Variants in SORCS2 observed in about 807,000 individuals in gnomAD.
SORCS2 encodes the protein sortilin related VPS10 domain containing receptor 2, also known as VPS10 domain-containing receptor SorCS2.
In SORCS2, 100 loss-of-function variants were observed where a neutral mutation model predicts 141.6. The observed-to-expected ratio is 0.71, with a 90% CI of 0.60 to 0.83. SORCS2 has a LOEUF of 0.83. Among genes scored for constraint, SORCS2 ranks in the 40% least tolerant of loss-of-function variants. SORCS2 has a pLI of 0.00. For synonymous variants in SORCS2, 789 were observed against 676.9 expected, an observed-to-expected ratio of 1.17 and a Z score of -2.57; for missense variants, 1,646 against 1,560.2, an observed-to-expected ratio of 1.05 and a Z score of -0.93.
At chr4:7,409,901 C>T (rs1351013513) in intron 2 of SORCS2, among the ~76,000 whole-genome samples, 1 of 152,206 alleles carries the variant, frequency 6.6e-6, no homozygotes, top group Non-Finnish European at 1.5e-5. Context: ...CATTTTGGAA[C>T]CGGAAGTCTC....
At chr4:7,590,071 C>G (rs543298787) in intron 3 of SORCS2, among the ~76,000 whole-genome samples, 2 of 152,166 alleles carry the variant, frequency 1.3e-5, no homozygotes, top group South Asian at 2.1e-4. Context: ...ATTGCTGTTG[C>G]AAAGGTCTGT....
At chr4:7,651,483 T>C (rs571899057) in intron 4 of SORCS2, among the ~76,000 whole-genome samples, 1 of 152,320 alleles carries the variant, frequency 6.6e-6, no homozygotes, top group East Asian at 1.9e-4. Context: ...GCTATCCCGT[T>C]AATCTCCTCT....
At chr4:7,517,879 G>T (rs1485478608) in intron 2 of SORCS2, among the ~76,000 whole-genome samples, 1 of 152,214 alleles carries the variant, frequency 6.6e-6, no homozygotes, top group African/African-American at 2.4e-5. Context: ...ACAGCACGTG[G>T]TAGGCACTCT....
chr4:7,440,280 G>C (rs1727574229), intron 2 of SORCS2, among the ~76,000 whole-genome samples: 1 of 152,230 alleles, frequency 6.6e-6, no homozygotes, highest in Non-Finnish European at 1.5e-5. Flanking sequence ...AAAGAGGGGA[G>C]CTCTCTCCCC....
chr4:7,732,023 AG>A (rs934267862), intron 23 of SORCS2, among the ~76,000 whole-genome samples: 8 of 152,222 alleles, frequency 5.3e-5, no homozygotes, highest in Non-Finnish European at 8.8e-5. Flanking sequence ...CCCACAGAAT[AG>A]GAGAAAAGAT....
chr4:7,673,686 T>G (rs1172363181), intron 8 of SORCS2, among the ~76,000 whole-genome samples: 1 of 152,196 alleles, frequency 6.6e-6, no homozygotes, highest in Non-Finnish European at 1.5e-5. Context: ...GTTTCCTAGA[T>G]TGTAGAACAC....
In SORCS2 at chr4:7,193,147, C is replaced by T. The variant is rs143521131; in HGVS notation, c.480+21C>T. On this transcript the variant is annotated intron_variant, in intron 1 of 26. Coordinates refer to ENST00000507866, the MANE Select transcript of SORCS2 (RefSeq NM_020777.3). The surrounding 1 kb of genome is among the most constrained non-coding windows in gnomAD (Gnocchi z 4.8). ...GCAGCGTAAGTGACCTCCACGCGCTCGCCGCGGCCCCTACCCGGGACACCG... is the reference window on the plus strand; with the variant it reads ...GCAGCGTAAGTGACCTCCACGCGCTTGCCGCGGCCCCTACCCGGGACACCG... The T allele has an allele frequency of 3.3e-6, 5 of 1,497,600 alleles. No homozygotes were observed. Among genetic ancestry groups the T allele is most frequent in the Non-Finnish European group, 4.4e-6 (5 of 1,132,942 alleles). The allele number at this position is 1,497,600 out of a possible 1,614,324, so 92.8% of individuals were successfully genotyped here. A position where few individuals can be genotyped will look rare whatever the true frequency, so the allele number is the denominator to read the frequency against.
At chr4:7,345,466 T>G (rs1319415449) in intron 1 of SORCS2, among the ~76,000 whole-genome samples, 2 of 152,126 alleles carry the variant, frequency 1.3e-5, no homozygotes, top group Non-Finnish European at 2.9e-5. Flanking sequence ...GGGCAGTAAC[T>G]TGGGGGTCTC....
chr4:7,546,329 G>A (rs965621390), intron 3 of SORCS2, among the ~76,000 whole-genome samples: 6 of 152,188 alleles, frequency 3.9e-5, no homozygotes, highest in East Asian at 1.9e-4. Flanking sequence ...CCCCTTCCCC[G>A]GCACCGGCGG....
intron 6 of SORCS2, among the ~76,000 whole-genome samples, chr4:7,662,239 ACC>A (rs1218456173): frequency 5.0e-4 from 33 of 65,530 alleles, no homozygotes; most frequent in Admixed American, 4.5e-3. Flanking sequence ...CCCCTCCCCC[ACC>A]CCCACCCTGC....
At chr4:7,641,781 G>C (rs138090472) in intron 4 of SORCS2, among the ~76,000 whole-genome samples, 945 of 52,312 alleles carry the variant, frequency 0.018, 14 homozygotes, top group African/African-American at 0.053. Context: ...TGGATAAATG[G>C]ATGGATGGAT....
At chr4:7,320,510 CA>C (rs1370766668) in intron 1 of SORCS2, among the ~76,000 whole-genome samples, 3 of 152,232 alleles carry the variant, frequency 2.0e-5, no homozygotes, top group Non-Finnish European at 4.4e-5. Flanking sequence ...ACTTTGAGGA[CA>C]CAGCTTTCTG....
At chr4:7,479,167 C>T (rs1163316551) in intron 2 of SORCS2, among the ~76,000 whole-genome samples, 5 of 151,830 alleles carry the variant, frequency 3.3e-5, no homozygotes, top group African/African-American at 1.2e-4. Context: ...CAGCCAGCTG[C>T]CCTCTCTCTC....
chr4:7,710,792 A>G (rs1310027293), intron 14 of SORCS2, among the ~76,000 whole-genome samples: 1 of 152,224 alleles, frequency 6.6e-6, no homozygotes, highest in African/African-American at 2.4e-5. Context: ...GCAGAGTCAC[A>G]GCCGTACCTG....
chr4:7,589,609 G>A (rs1716777138), intron 3 of SORCS2, among the ~76,000 whole-genome samples: 1 of 152,234 alleles, frequency 6.6e-6, no homozygotes, highest in Non-Finnish European at 1.5e-5. Flanking sequence ...CACCATATTG[G>A]CCAGGCTTGT....
At chr4:7,647,924 C>T (rs1046098872) in intron 4 of SORCS2, among the ~76,000 whole-genome samples, 4 of 152,242 alleles carry the variant, frequency 2.6e-5, no homozygotes, top group Admixed American at 6.5e-5. Context: ...GCTGCAGGAC[C>T]GGCTAATTGG....
intron 2 of SORCS2, among the ~76,000 whole-genome samples, chr4:7,427,667 C>T (rs1451596354): frequency 2.0e-5 from 3 of 151,960 alleles, no homozygotes; most frequent in Middle Eastern, 3.2e-3. Flanking sequence ...GTGTGAGACT[C>T]GGGAAGCTTC....
intron 3 of SORCS2, among the ~76,000 whole-genome samples, chr4:7,619,065 G>A (rs1718963992): frequency 6.6e-6 from 1 of 152,086 alleles, no homozygotes; most frequent in African/African-American, 2.4e-5. Flanking sequence ...GTGCACCCAG[G>A]TCCTGCGCCT....
chr4:7,488,256 G>A (rs958888294), intron 2 of SORCS2, among the ~76,000 whole-genome samples: 2 of 152,206 alleles, frequency 1.3e-5, no homozygotes, highest in Non-Finnish European at 2.9e-5. Flanking sequence ...AGTTGCCAAG[G>A]CATTGTTTCC....
Sources: gnomAD v4.1 joint callset for allele counts (sites outside exome capture counted in the v4.1 genomes callset) on GRCh38, gnomAD v4.1.1 for gene constraint, Gnocchi (gnomAD v3.1) non-coding constraint, MANE v1.5 for transcripts, NCBI Gene and HGNC (gene_info 2026-07-23, HGNC 2026-07-21) for gene names.